The following ALK variants were observed in gnomAD, a reference collection of about 807,000 sequenced individuals.
ALK encodes the protein ALK receptor tyrosine kinase.
A neutral mutation model predicts 163.1 loss-of-function variants in ALK; 74 were observed. The observed-to-expected ratio is 0.45, with a 90% CI of 0.38 to 0.55. The LOEUF (loss-of-function observed/expected upper bound fraction) is 0.55. Among genes scored for constraint, ALK ranks in the 20% least tolerant of loss-of-function variants. The probability of loss-of-function intolerance (pLI) is 0.00; values close to 1 mark genes in which losing one functional copy is unlikely to be tolerated. For synonymous variants in ALK, 960 were observed against 843.2 expected, an observed-to-expected ratio of 1.14 and a Z score of -2.40; for missense variants, 2,063 against 2,105.3, an observed-to-expected ratio of 0.98 and a Z score of 0.39.
At chr2:29,860,147 G>A (rs2148406216) in intron 1 of ALK, among the ~76,000 whole-genome samples, 1 of 152,276 alleles carries the variant, frequency 6.6e-6, no homozygotes, top group East Asian at 1.9e-4. Flanking sequence ...TGTTCCCCTT[G>A]GAAGCTGTGG....
chr2:29,730,138 A>G (rs1558462852), intron 1 of ALK, among the ~76,000 whole-genome samples: 1 of 152,240 alleles, frequency 6.6e-6, no homozygotes, highest in East Asian at 1.9e-4. Flanking sequence ...CTGCCATTAA[A>G]TGCGGCACAA....
At chr2:29,320,605 G>T (rs1667002120) in intron 7 of ALK, 146 bp downstream of exon 7, 2 of 1,109,096 alleles carry the variant, frequency 1.8e-6, no homozygotes, top group Non-Finnish European at 2.8e-6. Flanking sequence ...GTGTGAAGAG[G>T]GAATTGTGTG....
intron 4 of ALK, among the ~76,000 whole-genome samples, chr2:29,505,239 T>C (rs1237702952): frequency 1.3e-5 from 2 of 151,940 alleles, no homozygotes; most frequent in African/African-American, 4.8e-5. Flanking sequence ...CCCTGATGGG[T>C]TGCCTGGGAG....
chr2:29,848,728 G>A (rs536075309), intron 1 of ALK, among the ~76,000 whole-genome samples: 62 of 152,220 alleles, frequency 4.1e-4, no homozygotes, highest in African/African-American at 1.1e-3. Flanking sequence ...GGGCTATGTC[G>A]CTCTGAAGGC....
chr2:29,356,193 G>A (rs1368699165), intron 5 of ALK, among the ~76,000 whole-genome samples: 3 of 152,250 alleles, frequency 2.0e-5, no homozygotes, highest in South Asian at 2.1e-4. Flanking sequence ...AATAGCTGAC[G>A]TTTCCTGAGG....
In ALK at chr2:29,383,855, T is replaced by C; in HGVS notation, c.1159A>G (p.Thr387Ala). Residue 387 changes from threonine (T) to alanine (A), a missense_variant, in exon 5 of 29, where the codon ACA (threonine) becomes GCA (alanine). Thr to Ala is a moderately conservative substitution (Grantham distance 58). Around this residue, in one of 5 missense-constraint regions of ALK, gnomAD observed 987 missense variants for 939.5 expected, o/e 1.05. Coordinates refer to ENST00000389048, the MANE Select transcript of ALK (RefSeq NM_004304.5). ...CGCCCGATTCTTCCCTGGAGCACTGTCCAACTGGTTGCATTGGAAAACAGA... is the reference window on the plus strand; with the variant it reads ...CGCCCGATTCTTCCCTGGAGCACTGCCCAACTGGTTGCATTGGAAAACAGA... ...LMPTPGKHGW[T>A]VLQGRIGRPD... The C allele has an allele frequency of 1.9e-6, 3 of 1,614,044 alleles. No individual in the cohort carries two copies. The highest frequency in any genetic ancestry group is 2.5e-6 in the Non-Finnish European group (3 of 1,179,964).
At chr2:29,887,358 CAG>C (rs1392841169) in intron 1 of ALK, among the ~76,000 whole-genome samples, 2 of 152,172 alleles carry the variant, frequency 1.3e-5, no homozygotes, top group African/African-American at 4.8e-5. Context: ...ATGGGTATCT[CAG>C]AGCACTTGGA....
chr2:29,291,903 T>C (rs7564893), intron 9 of ALK, among the ~76,000 whole-genome samples: 118,078 of 152,144 alleles, frequency 0.78, 47,421 homozygotes, highest in Non-Finnish European at 0.86. Flanking sequence ...AGTGTTGTTA[T>C]TGACAGCATC....
chr2:29,366,484 G>T (rs13429710), intron 5 of ALK, among the ~76,000 whole-genome samples: 8,885 of 152,074 alleles, frequency 0.058, 357 homozygotes, highest in African/African-American at 0.11. Context: ...TCTCAGTGTC[G>T]CCCTGAGAGG....
At chr2:29,883,226 A>C (rs1348189962) in intron 1 of ALK, among the ~76,000 whole-genome samples, 1 of 152,222 alleles carries the variant, frequency 6.6e-6, no homozygotes, top group Non-Finnish European at 1.5e-5. Flanking sequence ...CCTGTTAGGC[A>C]GGTCAAAACA....
intron 1 of ALK, among the ~76,000 whole-genome samples, chr2:29,913,014 T>C (rs1667746765): frequency 6.6e-6 from 1 of 152,222 alleles, no homozygotes. Flanking sequence ...TGCCTAGATT[T>C]CCCTTGTCCT....
chr2:29,672,266 A>G (rs1342169390), intron 3 of ALK, among the ~76,000 whole-genome samples: 26 of 151,446 alleles, frequency 1.7e-4, no homozygotes, highest in Admixed American at 1.6e-3. Flanking sequence ...ACGCTGGTGC[A>G]CTGCACCCAC....
chr2:29,592,386 C>T (rs1330456118), intron 3 of ALK, among the ~76,000 whole-genome samples: 2 of 152,200 alleles, frequency 1.3e-5, no homozygotes, highest in Non-Finnish European at 2.9e-5. Flanking sequence ...CACCAGCCCT[C>T]TCTGCTCCTT....
intron 3 of ALK, among the ~76,000 whole-genome samples, chr2:29,667,218 A>G (rs953765478): frequency 9.9e-5 from 15 of 152,104 alleles, no homozygotes; most frequent in African/African-American, 3.4e-4. Context: ...TTGCTGGAAC[A>G]TATAGTAGTT....
At chr2:29,738,283 G>A (rs1283427888) in intron 1 of ALK, among the ~76,000 whole-genome samples, 2 of 151,984 alleles carry the variant, frequency 1.3e-5, no homozygotes, top group Non-Finnish European at 2.9e-5. Flanking sequence ...GGAAAGAGAA[G>A]GACCAAATGG....
chr2:29,537,222 G>A (rs11680518), intron 3 of ALK, among the ~76,000 whole-genome samples: 18,009 of 152,218 alleles, frequency 0.12, 1,398 homozygotes, highest in Non-Finnish European at 0.18. Context: ...AAAAAAGATC[G>A]CAAGGGCATT....
intron 19 of ALK, chr2:29,223,996 G>A (rs1018291884): frequency 3.3e-6 from 1 of 300,474 alleles, no homozygotes; most frequent in Non-Finnish European, 6.3e-6. Flanking sequence ...TGGAGCCTAA[G>A]GAAGTTTCAG....
chr2:29,669,512 G>T (rs1677618302), intron 3 of ALK, among the ~76,000 whole-genome samples: 1 of 151,948 alleles, frequency 6.6e-6, no homozygotes, highest in Non-Finnish European at 1.5e-5. Flanking sequence ...TGGGGTTCTT[G>T]AAGGCAGCAT....
At chr2:29,205,803 A>T (rs1669295365) in intron 26 of ALK, among the ~76,000 whole-genome samples, 1 of 151,876 alleles carries the variant, frequency 6.6e-6, no homozygotes. Flanking sequence ...ATCTGCAAAG[A>T]CCCATTTTCC....
Sources: gnomAD v4.1 joint callset for allele counts (sites outside exome capture counted in the v4.1 genomes callset) on GRCh38, gnomAD v4.1.1 for gene constraint, gnomAD v4.1.1 regional missense constraint, MANE v1.5 for transcripts, NCBI Gene and HGNC (gene_info 2026-07-23, HGNC 2026-07-21) for gene names.